IQCM: variants seen among roughly 807,000 people sequenced by gnomAD.
IQCM encodes the protein IQ motif containing M.
A neutral mutation model predicts 57.6 loss-of-function variants in IQCM; 45 were observed. The observed-to-expected ratio is 0.78, with a 90% confidence interval of 0.62 to 1.00. IQCM has a LOEUF of 1.00. IQCM is among the 50% of genes least tolerant of loss of function. IQCM has a pLI of 0.00. For synonymous variants in IQCM, 148 were observed against 158.9 expected, an observed-to-expected ratio of 0.93 and a Z score of 0.51; for missense variants, 468 against 511.6, an observed-to-expected ratio of 0.91 and a Z score of 0.82.
chr4:149,441,991 C>T (rs558056667), intron 12 of IQCM, among the ~76,000 whole-genome samples: 2 of 152,102 alleles, frequency 1.3e-5, no homozygotes, highest in Non-Finnish European at 2.9e-5. Flanking sequence ...GTTGCTAGCA[C>T]CTTGATCTTG....
At chr4:149,746,357 AC>A (rs1480924437) in intron 2 of IQCM, among the ~76,000 whole-genome samples, 1 of 152,184 alleles carries the variant, frequency 6.6e-6, no homozygotes, top group African/African-American at 2.4e-5. Context: ...ACTTAAAAAT[AC>A]ATCTGCTTCT....
intron 13 of IQCM, among the ~76,000 whole-genome samples, chr4:149,407,244 A>G (rs979532873): frequency 7.9e-5 from 12 of 152,200 alleles, no homozygotes; most frequent in African/African-American, 2.9e-4. Flanking sequence ...GCTAAACCAT[A>G]TCACAGTCTA....
At chr4:149,484,673 G>A (rs1206550409) in intron 12 of IQCM, among the ~76,000 whole-genome samples, 1 of 151,862 alleles carries the variant, frequency 6.6e-6, no homozygotes, top group Non-Finnish European at 1.5e-5. Flanking sequence ...CTTAAAAAGT[G>A]GTTGTAGTTA....
intron 12 of IQCM, among the ~76,000 whole-genome samples, chr4:149,505,105 C>A (rs1030188998): frequency 3.3e-5 from 5 of 152,236 alleles, no homozygotes; most frequent in Middle Eastern, 3.4e-3. Flanking sequence ...TGAACTAAGA[C>A]AGCAACCTAT....
chr4:149,653,910 T>G (rs911423706), intron 7 of IQCM, among the ~76,000 whole-genome samples: 2 of 152,126 alleles, frequency 1.3e-5, no homozygotes, highest in Non-Finnish European at 2.9e-5. Context: ...ATGTACTATA[T>G]TTGGTGGGGC....
At chr4:149,450,592 A>G (rs1488274379) in intron 12 of IQCM, among the ~76,000 whole-genome samples, 1 of 151,878 alleles carries the variant, frequency 6.6e-6, no homozygotes, top group Non-Finnish European at 1.5e-5. Flanking sequence ...TAAAAGGCAA[A>G]CAGGCATGTA....
intron 12 of IQCM, among the ~76,000 whole-genome samples, chr4:149,541,805 T>C (rs932407458): frequency 3.9e-5 from 6 of 152,098 alleles, no homozygotes; most frequent in South Asian, 2.1e-4. Flanking sequence ...AAGACAGTTT[T>C]AGAACTGTGA....
At chr4:149,574,412 C>A (rs936626112) in intron 9 of IQCM, among the ~76,000 whole-genome samples, 1 of 151,918 alleles carries the variant, frequency 6.6e-6, no homozygotes, top group Admixed American at 6.6e-5. Flanking sequence ...GAAGAGACCA[C>A]TCCACTTGTT....
intron 10 of IQCM, 76 bp from the exon 11 acceptor site, chr4:149,553,363 A>G (rs1276579208): frequency 3.5e-6 from 4 of 1,131,746 alleles, no homozygotes; most frequent in Admixed American, 4.2e-5. Context: ...CATTTAGTCT[A>G]TTTCACCTAG....
At chr4:149,610,206 C>G (rs1755155495) in intron 8 of IQCM, among the ~76,000 whole-genome samples, 1 of 151,804 alleles carries the variant, frequency 6.6e-6, no homozygotes, top group Admixed American at 6.6e-5. Flanking sequence ...AACTATAAAA[C>G]ATTGATGAAA....
At chr4:149,807,584 G>T (rs1236178125) in intron 2 of IQCM, among the ~76,000 whole-genome samples, 2 of 152,028 alleles carry the variant, frequency 1.3e-5, no homozygotes, top group East Asian at 1.9e-4. Flanking sequence ...AGACAAAAGA[G>T]ATTACATCAA....
chr4:149,470,575 G>A lies in IQCM; in HGVS notation c.1229-37018C>T, dbSNP rs565421277. On this transcript the variant is annotated intron_variant, in intron 12 of 13. Transcript: ENST00000636793. ...ATTAGACAGATCAACGAGACAGAAAGTTAACAAGGATATCCAGGAATTGAA... is the reference window on the plus strand; with the variant it reads ...ATTAGACAGATCAACGAGACAGAAAATTAACAAGGATATCCAGGAATTGAA... Among the ~76,000 whole-genome samples, 5 of 152,182 alleles carry A rather than the reference G, an allele frequency of 3.3e-5. No homozygotes were observed. The South Asian group carries it at 8.3e-4, about 25-fold the overall frequency.
chr4:149,452,536 T>C (rs531273325), intron 12 of IQCM, among the ~76,000 whole-genome samples: 2 of 151,562 alleles, frequency 1.3e-5, no homozygotes, highest in African/African-American at 4.8e-5. Context: ...CCCAGATATA[T>C]ATGGTTAAAT....
chr4:149,590,375 T>G (rs4260519), intron 8 of IQCM, among the ~76,000 whole-genome samples: 81,718 of 150,546 alleles, frequency 0.54, 22,444 homozygotes, highest in African/African-American at 0.58. Flanking sequence ...AAGTCTATTC[T>G]GCCTTGATGT....
rs114312989 is a variant in IQCM, at chr4:149,506,508, C to T, written c.1228+41947G>A. 3.6e-3 allele frequency among the ~76,000 whole-genome samples: 552 copies of T among 152,150 alleles called. 1 individual carries two copies. Among genetic ancestry groups the T allele is most frequent in the African/African-American group, 0.013 (532 of 41,504 alleles). ...TATCATTGTAAGTAAGCTAAAGCTG[C>T]CTTGAAAGGATCCCTTTTTAGGGTG... On this transcript the variant is annotated intron_variant, in intron 12 of 13. Transcript: ENST00000636793.
chr4:149,688,992 A>G (rs1339927192), intron 5 of IQCM, among the ~76,000 whole-genome samples: 1 of 152,132 alleles, frequency 6.6e-6, no homozygotes, highest in Non-Finnish European at 1.5e-5. Flanking sequence ...CTGAAACTAT[A>G]AAAATTCTAG....
intron 13 of IQCM, among the ~76,000 whole-genome samples, chr4:149,392,200 T>C (rs1578901487): frequency 6.6e-6 from 1 of 151,662 alleles, no homozygotes; most frequent in Non-Finnish European, 1.5e-5. Flanking sequence ...TTTGGCAAAA[T>C]ATTAACTATT....
At chr4:149,393,463 T>C (rs1434132420) in intron 13 of IQCM, among the ~76,000 whole-genome samples, 1 of 151,586 alleles carries the variant, frequency 6.6e-6, no homozygotes, top group Non-Finnish European at 1.5e-5. Context: ...AAAAAGAATA[T>C]AATGGAAAAG....
rs115981234 is a variant in IQCM at position 149,716,523 on chromosome 4, A to C, written c.385+16721T>G. Among the ~76,000 whole-genome samples the C allele has an allele frequency of 3.2e-3, 481 of 152,284 alleles. 1 individual carries two copies. Among genetic ancestry groups the C allele is most frequent in the African/African-American group, 0.011 (466 of 41,580 alleles). ...AGCTGCAGCTGCGCCAAAGAAGGCA[A>C]GATCCTCCAACGCGGAAGAGGGCGG... On this transcript the variant is annotated intron_variant, in intron 5 of 13. Transcript: ENST00000636793.
Sources: gnomAD v4.1 joint callset for allele counts (sites outside exome capture counted in the v4.1 genomes callset) on GRCh38, gnomAD v4.1.1 for gene constraint, MANE v1.5 for transcripts, NCBI Gene and HGNC (gene_info 2026-07-23, HGNC 2026-07-21) for gene names.